Variants in DST observed in about 807,000 individuals in gnomAD.
DST encodes dystonin, also known as bullous pemphigoid antigen.
In DST, 253 loss-of-function variants were observed where a neutral mutation model predicts 875.2. That is an observed-to-expected ratio of 0.29 (90% CI 0.26 to 0.32). DST has a LOEUF of 0.32. DST is among the 10% of genes least tolerant of loss of function. DST has a pLI of 1.00. For synonymous variants in DST, 3,124 were observed against 3,197.1 expected (o/e 0.98, Z 0.77); for missense variants, 8,287 against 9,111.6 (o/e 0.91, Z 3.68).
chr6:56,616,485 T>G, intron 36 of DST: 5 of 1,614,144 alleles, frequency 3.1e-6, no homozygotes, highest in Non-Finnish European at 3.4e-6. Flanking sequence ...AGATTGGAAA[T>G]GTTCCTCTCC....
At chr6:56,514,921 G>C (rs984983482) in intron 72 of DST, among the ~76,000 whole-genome samples, 4 of 152,114 alleles carry the variant, frequency 2.6e-5, no homozygotes, top group African/African-American at 9.7e-5. Flanking sequence ...AACTTCAAAG[G>C]AGTTCCATGT....
chr6:56,866,927 TTA>T (rs1453891016), intron 3 of DST, among the ~76,000 whole-genome samples: 1 of 152,198 alleles, frequency 6.6e-6, no homozygotes, highest in Non-Finnish European at 1.5e-5. Flanking sequence ...GCAATAAATA[TTA>T]GTTTTTTCTT....
rs371655301 is a variant in DST at position 56,557,444 on chromosome 6, T to C, written c.14515A>G (p.Thr4839Ala). ...TGGGCCTCTACAGTCTGGAACTGGGTTAGATTATTGGAGGATTCTTCCAGT... is the reference window on the plus strand; with the variant it reads ...TGGGCCTCTACAGTCTGGAACTGGGCTAGATTATTGGAGGATTCTTCCAGT... ...QKLEESSNNL[T>A]QFQTVEAQLK... is the part of the protein sequence containing the mutation. Residue 4839 changes from threonine to alanine, a missense_variant, in exon 59 of 104, where the codon ACC (threonine) becomes GCC (alanine). Thr to Ala is a moderately conservative substitution (Grantham distance 58, BLOSUM62 0). Transcript: ENST00000680361. 17 of 1,613,518 alleles carry C rather than the reference T, an allele frequency of 1.1e-5. No homozygotes were observed. The highest frequency in any genetic ancestry group is 1.4e-5 in the Non-Finnish European group (17 of 1,179,662).
At position 56,618,445 on chromosome 6, in the gene DST, G is replaced by T. The variant is rs772956942; in HGVS notation, c.4930-3961C>A. On this transcript the variant is annotated intron_variant, in intron 36 of 103. Coordinates refer to ENST00000680361, the MANE Select transcript of DST (RefSeq NM_001374736.1). ...TGCTCTTTTTTTGAATTTCACACTG[G>T]AGCAAAACTAATTGATGTTCATGCT... 15 of 1,614,128 alleles carry T rather than the reference G, an allele frequency of 9.3e-6. No homozygotes were observed. The highest frequency in any genetic ancestry group is 1.2e-5 in the Non-Finnish European group (14 of 1,180,022).
At chr6:56,477,786 T>C (rs1475246280) in intron 90 of DST, among the ~76,000 whole-genome samples, 4 of 152,214 alleles carry the variant, frequency 2.6e-5, no homozygotes, top group African/African-American at 4.8e-5. Flanking sequence ...TAAAATGATG[T>C]AGTATTTGCA....
intron 36 of DST, chr6:56,620,304 C>G (rs772449025): frequency 6.2e-7 from 1 of 1,614,060 alleles, no homozygotes; most frequent in East Asian, 2.2e-5. Flanking sequence ...AAGGTGTTTT[C>G]CTCCAACTGA....
chr6:56,916,787 C>CACAT (rs1554257453), intron 2 of DST, among the ~76,000 whole-genome samples: 1 of 143,128 alleles, frequency 7.0e-6, no homozygotes, highest in Non-Finnish European at 1.5e-5. Context: ...CTCACACACA[C>CACAT]ACACACACAC....
intron 2 of DST, among the ~76,000 whole-genome samples, chr6:56,910,753 G>A (rs1001238597): frequency 2.6e-5 from 4 of 152,270 alleles, no homozygotes; most frequent in Middle Eastern, 3.4e-3. Context: ...CCAAAGTGCT[G>A]GGATTACAAG....
chr6:56,786,627 GGTTCAA>G (rs1202354944), intron 4 of DST, among the ~76,000 whole-genome samples: 1 of 152,120 alleles, frequency 6.6e-6, no homozygotes, highest in Non-Finnish European at 1.5e-5. Context: ...CTGCCTCCTG[GGTTCAA>G]GTGATTCTCT....
intron 3 of DST, among the ~76,000 whole-genome samples, chr6:56,867,289 G>A (rs1774624221): frequency 6.6e-6 from 1 of 152,136 alleles, no homozygotes; most frequent in Admixed American, 6.5e-5. Context: ...ATGACCTAAT[G>A]CCCATTGCCA....
intron 5 of DST, among the ~76,000 whole-genome samples, chr6:56,716,964 G>T (rs940680275): frequency 1.5e-4 from 23 of 152,094 alleles, no homozygotes; most frequent in Admixed American, 3.3e-4. Context: ...GGCGGATCAC[G>T]AGGTCAGGAG....
intron 2 of DST, among the ~76,000 whole-genome samples, chr6:56,937,167 A>C (rs1813418882): frequency 6.6e-6 from 1 of 152,126 alleles, no homozygotes; most frequent in South Asian, 2.1e-4. Flanking sequence ...AAGAAAAATA[A>C]TTGATAAATT....
At position 56,608,588 on chromosome 6, in the gene DST, C is replaced by T; in HGVS notation, c.6040G>A (p.Gly2014Arg). 6.2e-7 allele frequency: 1 copy of T among 1,613,448 alleles called. No individual in the cohort carries two copies. The highest frequency in any genetic ancestry group is 1.1e-5 in the South Asian group (1 of 91,006). Residue 2014 changes from glycine (G) to arginine (R), a missense_variant, in exon 40 of 104, where the codon GGG becomes AGG. Gly to Arg is a moderately radical substitution (Grantham distance 125, BLOSUM62 -2). Coordinates refer to ENST00000680361, the MANE Select transcript of DST (RefSeq NM_001374736.1). ...CTAGCAGTGTCCCTGTCAATCACCCCTTCTCTGACAGCTTCTTCAACAGTC... is the reference window on the plus strand; with the variant it reads ...CTAGCAGTGTCCCTGTCAATCACCCTTTCTCTGACAGCTTCTTCAACAGTC... ...RMTVEEAVREGVIDRDTASSI... is the reference protein window; with the variant it reads ...RMTVEEAVRERVIDRDTASSI...
intron 7 of DST, 90 bp downstream of exon 7, chr6:56,703,558 G>A (rs989816577): frequency 1.0e-5 from 4 of 381,994 alleles, no homozygotes; most frequent in African/African-American, 6.6e-5. Flanking sequence ...TTCTAAAAAG[G>A]AGCCTGAACC....
Position 56,851,593 on chromosome 6 carries a change from G to T in DST, c.429C>A (p.Asn143Lys). The T allele has an allele frequency of 1.2e-6, 2 of 1,613,792 alleles. No homozygotes were observed. Among genetic ancestry groups the T allele is most frequent in the Non-Finnish European group, 1.7e-6 (2 of 1,179,804 alleles). The change falls in exon 4 of 104, where the codon AAC becomes AAA. Residue 143 changes from asparagine (N) to lysine (K), a missense_variant. Physicochemically the swap from Asn to Lys is moderately conservative, Grantham distance 94. Around this residue, in one of 10 missense-constraint regions of DST, gnomAD observed 1,160 missense variants for 1,424.3 expected, o/e 0.81. Transcript: ENST00000680361. ...GASIRRPSSG[N>K]ASYRCSMSSS... is the part of the protein sequence containing the mutation. ...AAGACATAGAGCAGCGATAGGACGC[G>T]TTCCCGGAACTCTACAGAGAATGAC...
At chr6:56,827,146 T>G (rs1455408577) in intron 4 of DST, among the ~76,000 whole-genome samples, 4 of 152,186 alleles carry the variant, frequency 2.6e-5, no homozygotes, top group Admixed American at 1.3e-4. Flanking sequence ...TTATAACACA[T>G]TTTCTCTTAA....
In DST at chr6:56,670,708, G is replaced by A. The variant is rs767667427; in HGVS notation, c.1147C>T (p.Arg383Trp). The A allele has an allele frequency of 9.9e-6, 16 of 1,608,802 alleles. No individual in the cohort carries two copies. Among genetic ancestry groups the A allele is most frequent in the African/African-American group, 5.4e-5 (4 of 74,766 alleles). Residue 383 changes from arginine to tryptophan, a missense_variant, in exon 10 of 104, where the codon CGG becomes TGG. Around this residue, in one of 10 missense-constraint regions of DST, gnomAD observed 1,160 missense variants for 1,424.3 expected, o/e 0.81. Coordinates refer to ENST00000680361, the MANE Select transcript of DST (RefSeq NM_001374736.1). ...CAGCAGGTAGTGAAATTTTCACACC[G>A]AATTCCAGCATAACCCTCTGTTGCC... ...QQATEGYAGI[R>W]CENFTTCWRD...
At chr6:56,642,694 A>G (rs781363118) in intron 15 of DST, 191 bp from the exon 16 acceptor site, 2 of 1,614,166 alleles carry the variant, frequency 1.2e-6, no homozygotes. Flanking sequence ...ATGAACCAAG[A>G]GAAGATTTTC....
intron 4 of DST, among the ~76,000 whole-genome samples, chr6:56,764,097 G>GCACACA (rs57134689): frequency 0.27 from 38,561 of 141,740 alleles, 5,830 homozygotes; most frequent in East Asian, 0.68. Context: ...AAGTGCACAT[G>GCACACA]CACACACACA....
Sources: gnomAD v4.1 joint callset for allele counts (sites outside exome capture counted in the v4.1 genomes callset) on GRCh38, gnomAD v4.1.1 for gene constraint, gnomAD v4.1.1 regional missense constraint, MANE v1.5 for transcripts, NCBI Gene and HGNC (gene_info 2026-07-23, HGNC 2026-07-21) for gene names.